The following ATG4B variants were observed in gnomAD, a reference collection of about 807,000 sequenced individuals.
ATG4B encodes autophagy related 4B cysteine peptidase.
A neutral mutation model predicts 56.6 loss-of-function variants in ATG4B; 29 were observed. The ratio of observed to expected loss-of-function variants is 0.51; its 90% CI spans 0.38 to 0.70. The LOEUF (loss-of-function observed/expected upper bound fraction) is 0.70. ATG4B is among the 30% of genes least tolerant of loss of function. The probability of loss-of-function intolerance (pLI) is 0.00; values close to 1 mark genes in which losing one functional copy is unlikely to be tolerated. For missense variants in ATG4B, 461 were observed against 515.5 expected (o/e 0.89, Z 1.02); for synonymous variants, 224 against 206.1 (o/e 1.09, Z -0.74).
At chr2:241,649,034 C>A (rs1385337456) in intron 1 of ATG4B, among the ~76,000 whole-genome samples, 1 of 152,222 alleles carries the variant, frequency 6.6e-6, no homozygotes, top group Non-Finnish European at 1.5e-5. Context: ...CACCCATATG[C>A]TGAGGCTGTC....
intron 1 of ATG4B, among the ~76,000 whole-genome samples, chr2:241,640,035 C>T (rs888369266): frequency 2.7e-4 from 41 of 152,122 alleles, no homozygotes; most frequent in Admixed American, 1.3e-4. Flanking sequence ...TCTATCATTT[C>T]GATACCTTGA....
At chr2:241,643,542 C>T (rs1231941701) in intron 1 of ATG4B, among the ~76,000 whole-genome samples, 1 of 149,686 alleles carries the variant, frequency 6.7e-6, no homozygotes, top group Non-Finnish European at 1.5e-5. Flanking sequence ...ATATCATTAC[C>T]TGGAAGTCTA....
At chr2:241,656,386 G>A (rs2068406062) in intron 6 of ATG4B, among the ~76,000 whole-genome samples, 1 of 152,066 alleles carries the variant, frequency 6.6e-6, no homozygotes. Flanking sequence ...CGTGGCACCT[G>A]CTCAGTCCCT....
chr2:241,659,780 T>C (rs4675943), intron 7 of ATG4B: 117,132 of 162,980 alleles, frequency 0.72, 43,503 homozygotes, highest in East Asian at 0.95. Flanking sequence ...AAATGCCTCA[T>C]TGCCTTTTTC....
intron 1 of ATG4B, 40 bp downstream of exon 1, chr2:241,637,764 C>T (rs371843599): frequency 7.1e-6 from 11 of 1,556,756 alleles, no homozygotes; most frequent in Non-Finnish European, 8.6e-6. Context: ...GCAGGAGGTG[C>T]TCGCCTTATC....
chr2:241,656,187 C>G (rs2068397306), intron 6 of ATG4B, among the ~76,000 whole-genome samples: 1 of 152,196 alleles, frequency 6.6e-6, no homozygotes, highest in African/African-American at 2.4e-5. Context: ...ATGGCCCTGT[C>G]TCCCCTCACC....
At chr2:241,650,869 C>T (rs2068208170) in intron 1 of ATG4B, 141 bp from the exon 2 acceptor site, 4 of 695,660 alleles carry the variant, frequency 5.7e-6, no homozygotes, top group African/African-American at 1.8e-5. Flanking sequence ...TCTTGGTAGG[C>T]CCGAGATACG....
chr2:241,645,358 G>A lies in ATG4B; in HGVS notation c.11-5652G>A, dbSNP rs144044294. Reference sequence around the variant, plus strand: ...TAAATGCAGTCACTCTTGGAGGAAAGGACGTTATGTTGGATTCAGTGTTAG... The same window carrying A: ...TAAATGCAGTCACTCTTGGAGGAAAAGACGTTATGTTGGATTCAGTGTTAG... On this transcript the variant is annotated intron_variant, in intron 1 of 12. Transcript: ENST00000404914. Among the ~76,000 whole-genome samples, 72 of 152,348 alleles carry A rather than the reference G, an allele frequency of 4.7e-4. 1 individual carries two copies. The highest frequency in any genetic ancestry group is 1.6e-3 in the African/African-American group (67 of 41,580).
intron 7 of ATG4B, 173 bp downstream of exon 7, chr2:241,659,360 T>C (rs1247298967): frequency 1.5e-6 from 1 of 688,170 alleles, no homozygotes; most frequent in South Asian, 1.5e-5. Flanking sequence ...CTCGCTCTCC[T>C]ATCCCGGCGG....
chr2:241,665,741 G>A (rs561097877), intron 7 of ATG4B, among the ~76,000 whole-genome samples: 1 of 152,342 alleles, frequency 6.6e-6, no homozygotes, highest in African/African-American at 2.4e-5. Context: ...ATGTCCTGGT[G>A]AGCTGTGTGA....
chr2:241,668,121 T>C lies in ATG4B; in HGVS notation c.733-22T>C. 6.4e-7 allele frequency: 1 copy of C among 1,573,360 alleles called. No homozygotes were observed. Among genetic ancestry groups the C allele is most frequent in the Non-Finnish European group, 8.6e-7 (1 of 1,160,038 alleles). On this transcript the variant is annotated intron_variant, in intron 8 of 12. Coordinates refer to ENST00000404914, the MANE Select transcript of ATG4B (RefSeq NM_013325.5). The surrounding 1 kb of genome is among the most constrained non-coding windows in gnomAD (Gnocchi z 4.2). The stretch of plus-strand genomic sequence containing the variant: ...GTCTGCTCCCACCTGGGACCTGTGC[T>C]CAGTCCCCCGCCCCTCCACAGCACT...
intron 4 of ATG4B, 124 bp from the exon 5 acceptor site, chr2:241,654,419 TAAA>T (rs201525288): frequency 0.075 from 32,375 of 429,612 alleles, 80 homozygotes; most frequent in South Asian, 0.11. Context: ...AGACTCTGTT[TAAA>T]AAAAAAAAAA....
chr2:241,668,732 G>A lies in ATG4B; in HGVS notation c.957+47G>A. 2.6e-6 allele frequency: 4 copies of A among 1,527,684 alleles called. No homozygotes were observed. The highest frequency in any genetic ancestry group is 3.5e-6 in the Non-Finnish European group (4 of 1,143,742). 94.6% of individuals were successfully genotyped at this position (1,527,684 alleles called of 1,614,324 possible). ...ACACAGGCATTTGGTGCTGAATGCTGTTTGGGAATGACGAGGAAAACTTTC... is the reference window on the plus strand; with the variant it reads ...ACACAGGCATTTGGTGCTGAATGCTATTTGGGAATGACGAGGAAAACTTTC... On this transcript the variant is annotated intron_variant, in intron 10 of 12. Coordinates refer to ENST00000404914, the MANE Select transcript of ATG4B (RefSeq NM_013325.5). The surrounding 1 kb of genome is among the most constrained non-coding windows in gnomAD (Gnocchi z 4.2).
At chr2:241,661,036 C>T (rs537051896) in intron 7 of ATG4B, among the ~76,000 whole-genome samples, 21 of 152,308 alleles carry the variant, frequency 1.4e-4, no homozygotes, top group African/African-American at 3.4e-4. Context: ...ACTCCAGCTC[C>T]GTCCCTTCGG....
intron 6 of ATG4B, among the ~76,000 whole-genome samples, chr2:241,656,363 G>A (rs946721694): frequency 6.6e-6 from 1 of 151,504 alleles, no homozygotes; most frequent in African/African-American, 2.4e-5. Flanking sequence ...TCCAGGGCCC[G>A]CCCTGTGTTT....
At chr2:241,654,738 G>A in intron 5 of ATG4B, 91 bp downstream of exon 5, 2 of 1,022,638 alleles carry the variant, frequency 2.0e-6, no homozygotes, top group Non-Finnish European at 1.5e-6. Flanking sequence ...CTGGTGTCGT[G>A]GGATGTGGAG....
chr2:241,666,981 C>A (rs1008017100), intron 8 of ATG4B, 143 bp downstream of exon 8: 4 of 986,966 alleles, frequency 4.1e-6, no homozygotes, highest in African/African-American at 3.3e-5. Context: ...TACACCGTTG[C>A]CCAAGGGGTG....
In ATG4B at chr2:241,666,764, A is replaced by G; in HGVS notation, c.658A>G (p.Arg220Gly). Residue 220 changes from arginine to glycine, a missense_variant, in exon 8 of 13, where the codon AGA becomes GGA. Coordinates refer to ENST00000404914, the MANE Select transcript of ATG4B (RefSeq NM_013325.5). Reference sequence around the variant, plus strand: ...GGTCACCAACAGGCCGTCGCCATGGAGACCCCTGGTACTTCTCATTCCCCT... The same window carrying G: ...GGTCACCAACAGGCCGTCGCCATGGGGACCCCTGGTACTTCTCATTCCCCT... ...AEVTNRPSPW[R>G]PLVLLIPLRL... The G allele has an allele frequency of 1.2e-6, 2 of 1,600,902 alleles. No individual in the cohort carries two copies. The highest frequency in any genetic ancestry group is 1.7e-6 in the Non-Finnish European group (2 of 1,173,690).
At chr2:241,654,216 A>T (rs1294686154) in intron 4 of ATG4B, among the ~76,000 whole-genome samples, 1 of 151,846 alleles carries the variant, frequency 6.6e-6, no homozygotes, top group African/African-American at 2.4e-5. Context: ...AGGTCAGGAG[A>T]TCAAGACCAT....
Sources: gnomAD v4.1 joint callset for allele counts (sites outside exome capture counted in the v4.1 genomes callset) on GRCh38, gnomAD v4.1.1 for gene constraint, Gnocchi (gnomAD v3.1) non-coding constraint, MANE v1.5 for transcripts, NCBI Gene and HGNC (gene_info 2026-07-23, HGNC 2026-07-21) for gene names.